Variants in DEUP1 observed in about 807,000 individuals in gnomAD.
DEUP1 encodes deuterosome assembly protein 1.
In DEUP1, 82 loss-of-function variants were observed where a neutral mutation model predicts 87.4. The observed-to-expected ratio is 0.94, with a 90% confidence interval of 0.78 to 1.13. The LOEUF is 1.13. Among genes scored for constraint, DEUP1 ranks in the 50% most tolerant of loss-of-function variants. The probability of loss-of-function intolerance (pLI) is 0.00; values close to 1 mark genes in which losing one functional copy is unlikely to be tolerated. For missense variants in DEUP1, 663 were observed against 681.5 expected, an observed-to-expected ratio of 0.97 and a Z score of 0.30; for synonymous variants, 214 against 222.7, an observed-to-expected ratio of 0.96 and a Z score of 0.35.
chr11:93,347,522 G>A (rs544958550), intron 2 of DEUP1, among the ~76,000 whole-genome samples: 3 of 152,114 alleles, frequency 2.0e-5, no homozygotes, highest in South Asian at 2.1e-4. Context: ...GGATGATGCC[G>A]GCCTCATAGA....
chr11:93,433,366 A>T (rs1025201044), intron 13 of DEUP1, among the ~76,000 whole-genome samples: 2 of 152,142 alleles, frequency 1.3e-5, no homozygotes, highest in Non-Finnish European at 2.9e-5. Flanking sequence ...AACTTTTTTA[A>T]AAAAGAGCTG....
Position 93,355,386 on chromosome 11 carries a change from G to A in DEUP1, c.45G>A (p.Glu15=). Residue 15 remains glutamate (E), a synonymous_variant, in exon 3 of 14, where the codon GAG becomes GAA. Transcript: ENST00000298050. Reference sequence around the variant, plus strand: ...CAATTGCCAGAACTTCTCCTTGTGAGGCTGAGCTTCAGGAATTAATGGAAC... The same window carrying A: ...CAATTGCCAGAACTTCTCCTTGTGAAGCTGAGCTTCAGGAATTAATGGAAC... ...AHNTMGTSPC[E]AELQELMEQI... The A allele has an allele frequency of 1.2e-6, 2 of 1,613,306 alleles. No individual in the cohort carries two copies. Among genetic ancestry groups the A allele is most frequent in the Non-Finnish European group, 1.7e-6 (2 of 1,179,622 alleles).
At chr11:93,375,256 T>C (rs1370193480) in intron 7 of DEUP1, among the ~76,000 whole-genome samples, 3 of 152,028 alleles carry the variant, frequency 2.0e-5, no homozygotes, top group Admixed American at 6.6e-5. Context: ...GTTTGACTTC[T>C]TTTTTACTGA....
intron 9 of DEUP1, among the ~76,000 whole-genome samples, chr11:93,390,764 A>G (rs1946740797): frequency 1.3e-5 from 2 of 152,150 alleles, no homozygotes; most frequent in Admixed American, 1.3e-4. Flanking sequence ...GTGCAAAAAA[A>G]AGGTAACAAA....
At chr11:93,392,015 C>G (rs1335305245) in intron 9 of DEUP1, among the ~76,000 whole-genome samples, 2 of 152,136 alleles carry the variant, frequency 1.3e-5, no homozygotes, top group Non-Finnish European at 2.9e-5. Context: ...TCATATCCAA[C>G]TCTGAAACTC....
Position 93,413,452 on chromosome 11 carries a change from C to A in DEUP1, c.1524-1548C>A, listed in dbSNP as rs200715213. ...AGCGACGGGGTTTCACCATGTTAGC[C>A]GAGATGGTCTCGATCTCCTGACCTC... On this transcript the variant is annotated intron_variant, in intron 12 of 13. Transcript: ENST00000298050. Among the ~76,000 whole-genome samples the A allele has an allele frequency of 9.9e-5, 15 of 152,194 alleles. No individual in the cohort carries two copies. The East Asian group carries it at 2.7e-3, about 27-fold the overall frequency.
chr11:93,404,496 A>G (rs1441770810), intron 11 of DEUP1, among the ~76,000 whole-genome samples: 1 of 152,120 alleles, frequency 6.6e-6, no homozygotes, highest in East Asian at 1.9e-4. Context: ...TACAATGATT[A>G]AAACATCCAT....
intron 9 of DEUP1, among the ~76,000 whole-genome samples, chr11:93,393,265 T>A (rs1197357701): frequency 6.6e-6 from 1 of 151,466 alleles, no homozygotes; most frequent in African/African-American, 2.4e-5. Flanking sequence ...CCGGCTAATG[T>A]TTTTACTTTT....
chr11:93,415,134 C>CTT lies in DEUP1; in HGVS notation c.1638+28_1638+29dup. ...CCACTGGTGAGTTGCTGGTTGTGGG[C>CTT]TTTTTTTTTCTTTAATGGGTTATTG... On this transcript the variant is annotated intron_variant, in intron 13 of 13. Coordinates refer to ENST00000298050, the MANE Select transcript of DEUP1 (RefSeq NM_181645.4). 2 of 1,385,944 alleles carry CTT rather than the reference C, an allele frequency of 1.4e-6. No individual in the cohort carries two copies. The highest frequency in any genetic ancestry group is 2.0e-6 in the Non-Finnish European group (2 of 980,688). 85.9% of individuals were successfully genotyped at this position (1,385,944 alleles called of 1,614,324 possible).
At chr11:93,412,455 C>T (rs1315711138) in intron 12 of DEUP1, among the ~76,000 whole-genome samples, 2 of 152,152 alleles carry the variant, frequency 1.3e-5, no homozygotes, top group African/African-American at 4.8e-5. Flanking sequence ...TGAAGAAGAA[C>T]TTGTCAGATA....
intron 1 of DEUP1, among the ~76,000 whole-genome samples, chr11:93,331,729 C>T (rs1373956238): frequency 2.0e-5 from 3 of 152,112 alleles, no homozygotes; most frequent in African/African-American, 7.2e-5. Context: ...CATTTTAGTC[C>T]GTACCACATA....
intron 11 of DEUP1, among the ~76,000 whole-genome samples, chr11:93,407,342 C>CT (rs1191232519): frequency 1.1e-4 from 17 of 152,180 alleles, no homozygotes; most frequent in African/African-American, 4.1e-4. Flanking sequence ...TAGGCTTTAC[C>CT]TTACAGCCTA....
At chr11:93,434,930 G>A (rs1948199456) in intron 13 of DEUP1, among the ~76,000 whole-genome samples, 1 of 152,160 alleles carries the variant, frequency 6.6e-6, no homozygotes, top group South Asian at 2.1e-4. Context: ...TTGCCCTCAA[G>A]AGGCCGTCCC....
intron 2 of DEUP1, among the ~76,000 whole-genome samples, chr11:93,335,927 G>A (rs986183422): frequency 6.6e-6 from 1 of 151,974 alleles, no homozygotes; most frequent in Non-Finnish European, 1.5e-5. Flanking sequence ...CCAGCCTGAC[G>A]AACATGGAGA....
At chr11:93,336,388 A>C (rs1354172571) in intron 2 of DEUP1, among the ~76,000 whole-genome samples, 1 of 134,560 alleles carries the variant, frequency 7.4e-6, no homozygotes, top group Non-Finnish European at 1.7e-5. Context: ...AGATTTGGTT[A>C]GGGACACAGA....
At chr11:93,337,298 A>T (rs1943818207) in intron 2 of DEUP1, among the ~76,000 whole-genome samples, 1 of 152,218 alleles carries the variant, frequency 6.6e-6, no homozygotes, top group Admixed American at 6.5e-5. Context: ...TCTTGACTTT[A>T]TGAATCATAA....
intron 7 of DEUP1, chr11:93,383,548 TG>T: frequency 1.5e-6 from 1 of 655,502 alleles, no homozygotes; most frequent in Non-Finnish European, 2.8e-6. Flanking sequence ...GTAGTGGTGA[TG>T]TTCAACTTTG....
intron 13 of DEUP1, among the ~76,000 whole-genome samples, chr11:93,418,974 T>C (rs1209614782): frequency 1.3e-5 from 2 of 149,196 alleles, no homozygotes; most frequent in African/African-American, 5.0e-5. Context: ...TAGGTGGGAA[T>C]TGAACAATGA....
chr11:93,414,368 C>A (rs1439269130), intron 12 of DEUP1, among the ~76,000 whole-genome samples: 4 of 151,928 alleles, frequency 2.6e-5, no homozygotes, highest in Non-Finnish European at 4.4e-5. Context: ...AGAAAATTAC[C>A]CTGGCGTGGT....
Sources: allele counts gnomAD v4.1 joint callset (sites outside exome capture counted in the v4.1 genomes callset), GRCh38; gene constraint gnomAD v4.1.1; transcripts MANE v1.5; gene names NCBI Gene and HGNC (gene_info 2026-07-23, HGNC 2026-07-21).